ADGRL3: variants seen among roughly 807,000 people sequenced by gnomAD.
The protein encoded by ADGRL3 is adhesion G protein-coupled receptor L3.
ADGRL3 carries 62 observed loss-of-function variants against 153.5 expected under a neutral mutation model. That is an observed-to-expected ratio of 0.40 (90% CI 0.33 to 0.50). The LOEUF (loss-of-function observed/expected upper bound fraction) is 0.50. ADGRL3 is among the 20% of genes least tolerant of loss of function. The pLI, the probability that ADGRL3 is intolerant of heterozygous loss-of-function variation, is 0.47. For missense variants in ADGRL3, 1,641 were observed against 1,859.4 expected, an observed-to-expected ratio of 0.88 and a Z score of 2.16; for synonymous variants, 710 against 672.5, an observed-to-expected ratio of 1.06 and a Z score of -0.86.
intron 2 of ADGRL3, among the ~76,000 whole-genome samples, chr4:61,432,811 G>A (rs913861765): frequency 1.3e-5 from 2 of 150,772 alleles, no homozygotes; most frequent in Non-Finnish European, 3.0e-5. Context: ...GAGCCACCAC[G>A]CCTGGCTAAT....
At chr4:61,801,507 T>C (rs554155464) in intron 8 of ADGRL3, among the ~76,000 whole-genome samples, 1 of 152,244 alleles carries the variant, frequency 6.6e-6, no homozygotes, top group South Asian at 2.1e-4. Context: ...TGTTCTGTAG[T>C]AGAATAAAGT....
At chr4:61,498,708 G>A (rs138791903) in intron 3 of ADGRL3, among the ~76,000 whole-genome samples, 145 of 152,228 alleles carry the variant, frequency 9.5e-4, no homozygotes, top group African/African-American at 3.3e-3. Flanking sequence ...GCAGAAATAT[G>A]ATAGTTTAGA....
chr4:61,318,193 C>CAAAAAA (rs757545966), intron 1 of ADGRL3, among the ~76,000 whole-genome samples: 1 of 48,616 alleles, frequency 2.1e-5, no homozygotes, highest in African/African-American at 5.6e-5. Context: ...GAACCTGTCT[C>CAAAAAA]AAAAAAAAAA....
At chr4:61,985,003 A>G (rs954276845) in intron 19 of ADGRL3, among the ~76,000 whole-genome samples, 3 of 152,100 alleles carry the variant, frequency 2.0e-5, no homozygotes, top group Non-Finnish European at 4.4e-5. Flanking sequence ...ATAGAGAGAA[A>G]ATTCCTTATA....
Position 62,070,854 on chromosome 4 carries a change from G to A in ADGRL3, c.4578G>A (p.Gly1526=). The A allele has an allele frequency of 6.4e-7, 1 of 1,551,602 alleles. No homozygotes were observed. The highest frequency in any genetic ancestry group is 1.2e-5 in the South Asian group (1 of 84,050). The part of the protein sequence containing the change: ...DGFIVPPNKD[G]TPPEGSSKGP... ...TTATAGTTCCTCCAAACAAAGATGGGACCCCTCCCGAGGGAAGTTCAAAAG... is the reference window on the plus strand; with the variant it reads ...TTATAGTTCCTCCAAACAAAGATGGAACCCCTCCCGAGGGAAGTTCAAAAG... Residue 1526 remains glycine, a synonymous_variant, in exon 27 of 27, where the codon GGG becomes GGA. Transcript: ENST00000683033.
At chr4:61,907,067 T>TA (rs1317002124) in intron 11 of ADGRL3, among the ~76,000 whole-genome samples, 1 of 152,052 alleles carries the variant, frequency 6.6e-6, no homozygotes, top group African/African-American at 2.4e-5. Context: ...GTAATGGTGT[T>TA]ACAGGAAAGG....
At chr4:61,409,245 C>G (rs7660930) in intron 2 of ADGRL3, among the ~76,000 whole-genome samples, 5 of 141,210 alleles carry the variant, frequency 3.5e-5, no homozygotes, top group African/African-American at 1.3e-4. Flanking sequence ...ATTAGACATA[C>G]ATAATATATA....
intron 25 of ADGRL3, among the ~76,000 whole-genome samples, chr4:62,059,623 A>G (rs1375872375): frequency 5.3e-5 from 8 of 152,114 alleles, no homozygotes; most frequent in Non-Finnish European, 1.2e-4. Context: ...GTAACCAGCA[A>G]ATAGATCTCC....
intron 5 of ADGRL3, among the ~76,000 whole-genome samples, chr4:61,591,208 C>T (rs2098967715): frequency 6.6e-6 from 1 of 152,098 alleles, no homozygotes; most frequent in South Asian, 2.1e-4. Flanking sequence ...TGTCCGGCTT[C>T]TCTCATGTAA....
At chr4:61,501,786 C>T (rs1280652407) in intron 3 of ADGRL3, among the ~76,000 whole-genome samples, 1 of 152,150 alleles carries the variant, frequency 6.6e-6, no homozygotes, top group African/African-American at 2.4e-5. Context: ...TAGTCTGGTC[C>T]ATGTTTTGTA....
chr4:61,318,241 A>AC (rs2095275937), intron 1 of ADGRL3, among the ~76,000 whole-genome samples: 3 of 151,170 alleles, frequency 2.0e-5, no homozygotes, highest in African/African-American at 4.9e-5. Context: ...ACACACACAC[A>AC]AAAGAAAATA....
intron 1 of ADGRL3, among the ~76,000 whole-genome samples, chr4:61,204,435 TAATC>T (rs1203769366): frequency 1.3e-5 from 2 of 152,250 alleles, no homozygotes; most frequent in African/African-American, 4.8e-5. Context: ...TTCCAAGATC[TAATC>T]ACAATGATTC....
chr4:61,690,457 TAAA>T (rs1561068825), intron 6 of ADGRL3, among the ~76,000 whole-genome samples: 4 of 151,584 alleles, frequency 2.6e-5, no homozygotes, highest in African/African-American at 9.7e-5. Context: ...AATTTAAAGT[TAAA>T]AAACAATCAA....
intron 1 of ADGRL3, among the ~76,000 whole-genome samples, chr4:61,264,311 C>T (rs1303704732): frequency 6.6e-6 from 1 of 151,920 alleles, no homozygotes; most frequent in East Asian, 1.9e-4. Context: ...TCATGTAGGT[C>T]CAGCTGTGTT....
intron 2 of ADGRL3, among the ~76,000 whole-genome samples, chr4:61,422,078 A>C (rs908027655): frequency 6.6e-6 from 1 of 152,150 alleles, no homozygotes; most frequent in African/African-American, 2.4e-5. Flanking sequence ...ATACTTAAAA[A>C]ATTGTCCAAT....
At chr4:61,975,228 A>G (rs2099043846) in intron 17 of ADGRL3, among the ~76,000 whole-genome samples, 1 of 152,182 alleles carries the variant, frequency 6.6e-6, no homozygotes, top group Admixed American at 6.5e-5. Flanking sequence ...AATACGGAAA[A>G]GGGGTCTGTA....
At chr4:61,710,789 C>T (rs889663789) in intron 6 of ADGRL3, among the ~76,000 whole-genome samples, 28 of 151,964 alleles carry the variant, frequency 1.8e-4, no homozygotes, top group Admixed American at 1.1e-3. Context: ...TTTGCTAATC[C>T]GACAACACTC....
chr4:61,436,364 A>G (rs1188146390), intron 2 of ADGRL3, among the ~76,000 whole-genome samples: 1 of 152,212 alleles, frequency 6.6e-6, no homozygotes, highest in African/African-American at 2.4e-5. Flanking sequence ...TCACATTTGC[A>G]TATGAAAAAT....
At chr4:61,487,241 G>A (rs974504409) in intron 2 of ADGRL3, among the ~76,000 whole-genome samples, 1 of 152,060 alleles carries the variant, frequency 6.6e-6, no homozygotes, top group African/African-American at 2.4e-5. Context: ...TGCAAATCTG[G>A]GCTTTATTAC....
Sources: gnomAD v4.1 joint callset for allele counts (sites outside exome capture counted in the v4.1 genomes callset) on GRCh38, gnomAD v4.1.1 for gene constraint, MANE v1.5 for transcripts, NCBI Gene and HGNC (gene_info 2026-07-23, HGNC 2026-07-21) for gene names.